SNX29: variants seen among roughly 807,000 people sequenced by gnomAD.
SNX29 encodes the protein sorting nexin-29.
Under a neutral mutation model 102.1 loss-of-function variants are expected in SNX29, and 78 were observed. The ratio of observed to expected loss-of-function variants is 0.76; its 90% CI spans 0.64 to 0.92. SNX29 has a LOEUF of 0.92. Among genes scored for constraint, SNX29 ranks in the 40% least tolerant of loss-of-function variants. The pLI is 0.00. For synonymous variants in SNX29, 580 were observed against 414.5 expected (o/e 1.40, Z -4.85); for missense variants, 1,280 against 1,061.7 (o/e 1.21, Z -2.86).
intron 1 of SNX29, among the ~76,000 whole-genome samples, chr16:11,982,782 G>A (rs2055452015): frequency 6.6e-6 from 1 of 152,026 alleles, no homozygotes; most frequent in Non-Finnish European, 1.5e-5. Context: ...GGAAAGCCAG[G>A]CCCATAGTGA....
chr16:12,253,930 G>C (rs1394511222), intron 14 of SNX29, among the ~76,000 whole-genome samples: 1 of 152,106 alleles, frequency 6.6e-6, no homozygotes, highest in East Asian at 1.9e-4. Context: ...AGTGAGAATG[G>C]TAAGAAGTGG....
chr16:12,002,731 G>T (rs1381268164), intron 2 of SNX29, among the ~76,000 whole-genome samples: 1 of 152,224 alleles, frequency 6.6e-6, no homozygotes, highest in African/African-American at 2.4e-5. Context: ...TTGTTTTTCT[G>T]TTAGCAATGT....
chr16:12,030,693 C>T (rs2057316301), intron 4 of SNX29, among the ~76,000 whole-genome samples: 1 of 152,204 alleles, frequency 6.6e-6, no homozygotes, highest in Non-Finnish European at 1.5e-5. Flanking sequence ...CACTTATTCC[C>T]CGTAACCCCA....
chr16:12,050,804 C>T (rs1210039706), intron 7 of SNX29, among the ~76,000 whole-genome samples: 10 of 152,114 alleles, frequency 6.6e-5, no homozygotes, highest in Admixed American at 1.3e-4. Context: ...CTCTGCCTCC[C>T]GTGTTCAAGA....
intron 14 of SNX29, among the ~76,000 whole-genome samples, chr16:12,247,928 A>G (rs1456953034): frequency 2.0e-5 from 3 of 152,172 alleles, no homozygotes; most frequent in Non-Finnish European, 4.4e-5. Context: ...GTTGTTTACC[A>G]CACACTGTGT....
At chr16:12,509,798 C>T (rs1326657196) in intron 19 of SNX29, among the ~76,000 whole-genome samples, 4 of 152,176 alleles carry the variant, frequency 2.6e-5, no homozygotes, top group Non-Finnish European at 5.9e-5. Flanking sequence ...CCCTCCATTC[C>T]GCCACATGAG....
chr16:12,099,092 A>C (rs537872445), intron 11 of SNX29, among the ~76,000 whole-genome samples: 13 of 152,262 alleles, frequency 8.5e-5, no homozygotes, highest in African/African-American at 3.1e-4. Flanking sequence ...GGAAAGAGAC[A>C]CTTAGGTTTC....
intron 15 of SNX29, among the ~76,000 whole-genome samples, chr16:12,333,882 A>T (rs1338950876): frequency 3.3e-5 from 5 of 152,158 alleles, no homozygotes; most frequent in Non-Finnish European, 7.3e-5. Context: ...ATGGAGAATG[A>T]CAGGTGTGGC....
intron 15 of SNX29, among the ~76,000 whole-genome samples, chr16:12,296,480 CTT>C (rs923530447): frequency 2.5e-4 from 38 of 152,318 alleles, no homozygotes; most frequent in African/African-American, 7.7e-4. Context: ...GGCCAGCAGA[CTT>C]TTTTATATAA....
chr16:12,051,963 G>C lies in SNX29; in HGVS notation c.865G>C (p.Gly289Arg). 1 of 1,613,930 alleles carries C rather than the reference G, an allele frequency of 6.2e-7. No individual in the cohort carries two copies. ...CGTGTTTAAAAAGACACCTGGGGCA[G>C]GGGAGAGCTCAGAGGACAACTCCGA... Reference protein sequence around the residue: ...GDVFKKTPGAGESSEDNSDRS... With the variant: ...GDVFKKTPGARESSEDNSDRS... Residue 289 changes from glycine to arginine, a missense_variant, in exon 8 of 21, where the codon GGG (glycine) becomes CGG (arginine). Gly to Arg is a moderately radical substitution (Grantham distance 125, BLOSUM62 -2). Transcript: ENST00000566228.
chr16:12,352,431 G>T (rs2082015104), intron 15 of SNX29, among the ~76,000 whole-genome samples: 1 of 152,112 alleles, frequency 6.6e-6, no homozygotes, highest in South Asian at 2.1e-4. Flanking sequence ...ATGAGTTAAT[G>T]GGTGCAGCAC....
At chr16:12,467,105 C>G (rs1365189504) in intron 18 of SNX29, among the ~76,000 whole-genome samples, 1 of 152,124 alleles carries the variant, frequency 6.6e-6, no homozygotes, top group East Asian at 1.9e-4. Context: ...GGGCTTCAGT[C>G]CTTGTTTCAC....
chr16:11,991,051 A>G (rs532450059), intron 1 of SNX29, among the ~76,000 whole-genome samples: 4 of 152,314 alleles, frequency 2.6e-5, no homozygotes, highest in Admixed American at 2.6e-4. Context: ...TTCCAGAGAA[A>G]GTTTGCTGAC....
At chr16:12,206,778 C>G (rs542811667) in intron 14 of SNX29, among the ~76,000 whole-genome samples, 1 of 151,038 alleles carries the variant, frequency 6.6e-6, no homozygotes, top group Admixed American at 6.6e-5. Context: ...TGCTTGGCCC[C>G]ACCCAGACCC....
At chr16:12,533,106 GT>G (rs1259856003) in intron 20 of SNX29, among the ~76,000 whole-genome samples, 3 of 152,336 alleles carry the variant, frequency 2.0e-5, no homozygotes, top group East Asian at 3.9e-4. Context: ...GGAGGGACAG[GT>G]TCAACTCGAC....
In SNX29 at chr16:12,572,289, G is replaced by A. The variant is rs1030596802; in HGVS notation, c.*3660G>A. ...AGCTGATGCAACTAACAAGTACTGG[G>A]GCCAGTGATCACAATCCAGGTTGGA... is the stretch of plus-strand genomic sequence containing the variant. On this transcript the variant is annotated 3_prime_UTR_variant, in exon 21 of 21. Transcript: ENST00000566228. 10 of 1,023,428 alleles carry A rather than the reference G, an allele frequency of 9.8e-6. No individual in the cohort carries two copies. In the East Asian group the frequency reaches 1.6e-4, roughly 17 times the overall value. The allele number at this position is 1,023,428 out of a possible 1,614,324, so 63.4% of individuals were successfully genotyped here. A position where few individuals can be genotyped will look rare whatever the true frequency, so the allele number is the denominator to read the frequency against.
At chr16:12,062,921 C>G (rs1245312003) in intron 9 of SNX29, among the ~76,000 whole-genome samples, 1 of 152,208 alleles carries the variant, frequency 6.6e-6, no homozygotes, top group Non-Finnish European at 1.5e-5. Flanking sequence ...GAGTGCATTA[C>G]TGCTCTGAGC....
chr16:12,483,113 A>ATTTT (rs2088027764), intron 19 of SNX29, among the ~76,000 whole-genome samples: 3 of 60,488 alleles, frequency 5.0e-5, no homozygotes, highest in South Asian at 1.5e-3. Context: ...GAAGTTATTA[A>ATTTT]GTTTTTTTTT....
chr16:12,307,847 T>A (rs1322882255), intron 15 of SNX29, among the ~76,000 whole-genome samples: 1 of 152,214 alleles, frequency 6.6e-6, no homozygotes, highest in African/African-American at 2.4e-5. Flanking sequence ...CCTCTCATGG[T>A]GACGTTCACT....
Sources: gnomAD v4.1 joint callset for allele counts (sites outside exome capture counted in the v4.1 genomes callset) on GRCh38, gnomAD v4.1.1 for gene constraint, MANE v1.5 for transcripts, NCBI Gene and HGNC (gene_info 2026-07-23, HGNC 2026-07-21) for gene names.